The following NPY2R variants were observed in gnomAD, a reference collection of about 807,000 sequenced individuals.
The protein encoded by NPY2R is neuropeptide Y receptor type 2.
Under a neutral mutation model 22.3 loss-of-function variants are expected in NPY2R, and 17 were observed. That is an observed-to-expected ratio of 0.76 (90% CI 0.52 to 1.14). NPY2R has a LOEUF of 1.14. Ranked by LOEUF, NPY2R falls within the 50% of genes most tolerant of loss-of-function variation. NPY2R has a pLI of 0.00. For missense variants in NPY2R, 424 were observed against 467.9 expected, an observed-to-expected ratio of 0.91 and a Z score of 0.87; for synonymous variants, 209 against 183.4, an observed-to-expected ratio of 1.14 and a Z score of -1.13.
chr4:155,199,793 T>C, the NPY2R span, among the ~76,000 whole-genome samples: 2 of 152,140 alleles, frequency 1.3e-5, no homozygotes, highest in Non-Finnish European at 2.9e-5. Context: ...CCAGGAAAAC[T>C]GGCTAGCCAT....
At chr4:155,193,390 A>G in the NPY2R span, among the ~76,000 whole-genome samples, 125 of 152,050 alleles carry the variant, frequency 8.2e-4, 2 homozygotes, top group East Asian at 0.022. Flanking sequence ...TCACGAGGCC[A>G]CAGCTATCTC....
chr4:155,189,320 T>C, the NPY2R span, among the ~76,000 whole-genome samples: 6 of 152,062 alleles, frequency 3.9e-5, no homozygotes, highest in African/African-American at 1.2e-4. Flanking sequence ...CATCCTGCAC[T>C]ATATGGAGCC....
chr4:155,192,522 T>A, the NPY2R span, among the ~76,000 whole-genome samples: 1 of 151,802 alleles, frequency 6.6e-6, no homozygotes, highest in African/African-American at 2.4e-5. Context: ...CAAAAAAGAG[T>A]CCATTTCAGT....
chr4:155,194,419 G>A, the NPY2R span, among the ~76,000 whole-genome samples: 60 of 151,846 alleles, frequency 4.0e-4, 1 homozygote, highest in South Asian at 0.012. Context: ...CCTCAAGTAG[G>A]CCTCAGTGTT....
At chr4:155,199,938 G>A in the NPY2R span, among the ~76,000 whole-genome samples, 2 of 152,048 alleles carry the variant, frequency 1.3e-5, no homozygotes, top group Non-Finnish European at 2.9e-5. Context: ...TACCGTTAAT[G>A]ACATAGGCAT....
At chr4:155,194,610 G>T in the NPY2R span, among the ~76,000 whole-genome samples, 1 of 151,930 alleles carries the variant, frequency 6.6e-6, no homozygotes, top group Non-Finnish European at 1.5e-5. Context: ...GTATTCCATG[G>T]TGCATATGTA....
At chr4:155,203,484 A>G in the NPY2R span, among the ~76,000 whole-genome samples, 1 of 152,188 alleles carries the variant, frequency 6.6e-6, no homozygotes, top group Non-Finnish European at 1.5e-5. Flanking sequence ...TTTTAAAAAG[A>G]CTATTTTAAA....
At chr4:155,196,227 C>A in the NPY2R span, among the ~76,000 whole-genome samples, 1 of 151,972 alleles carries the variant, frequency 6.6e-6, no homozygotes, top group Non-Finnish European at 1.5e-5. Context: ...TCTGCTTCTT[C>A]TTTTTTTCCC....
At chr4:155,186,936 A>G in the NPY2R span, among the ~76,000 whole-genome samples, 1 of 147,726 alleles carries the variant, frequency 6.8e-6, no homozygotes, top group African/African-American at 2.5e-5. Context: ...AAAGTCTAAC[A>G]CATATAAGTA....
Position 155,216,414 on chromosome 4 carries a change from TAAC to T in NPY2R, c.*1333_*1335del, listed in dbSNP as rs1160227042. The T allele has an allele frequency of 6.0e-6, 1 of 166,812 alleles. No individual in the cohort carries two copies. Among genetic ancestry groups the T allele is most frequent in the Non-Finnish European group, 1.5e-5 (1 of 68,038 alleles). The allele number at this position is 166,812 out of a possible 1,614,324, so 10.3% of individuals were successfully genotyped here. The stretch of plus-strand genomic sequence containing the variant: ...AAAAACCTTCTATGTTCATAAAAAA[TAAC>T]AACTGAGATGTTAAAATAGTCATAC... On this transcript the variant is annotated 3_prime_UTR_variant, in exon 2 of 2. Coordinates refer to ENST00000329476, the MANE Select transcript of NPY2R (RefSeq NM_000910.4).
chr4:155,175,548 T>G, the NPY2R span, among the ~76,000 whole-genome samples: 1 of 152,178 alleles, frequency 6.6e-6, no homozygotes, highest in African/African-American at 2.4e-5. Context: ...ATTTTATGTG[T>G]AATTAGCAGA....
chr4:155,210,395 C>A (rs1729379384), intron 1 of NPY2R, among the ~76,000 whole-genome samples: 1 of 152,090 alleles, frequency 6.6e-6, no homozygotes, highest in Admixed American at 6.5e-5. Flanking sequence ...CAAAGCAAAT[C>A]AAAAAATCAA....
chr4:155,174,485 T>TATATATATATATATA, the NPY2R span, among the ~76,000 whole-genome samples: 132 of 41,634 alleles, frequency 3.2e-3, no homozygotes, highest in African/African-American at 0.012. Context: ...TATATATATA[T>TATATATATATATATA]TTTTTTTTTT....
rs774269071 is a variant in NPY2R, at chr4:155,215,050, C to A, written c.1111C>A (p.Pro371Thr). 3.0e-5 allele frequency: 49 copies of A among 1,613,316 alleles called. No individual in the cohort carries two copies. In the East Asian group the frequency reaches 1.1e-3, roughly 36 times the overall value. ...KNLEVRKNSG[P>T]NDSFTEATNV ...CCTGGAGGTCAGAAAGAACAGTGGC[C>A]CCAATGACTCTTTCACAGAGGCTAC... Residue 371 changes from proline (P) to threonine (T), a missense_variant, in exon 2 of 2, where the codon CCC (proline) becomes ACC (threonine). By Grantham distance (38) the Pro-to-Thr change is conservative. Coordinates refer to ENST00000329476, the MANE Select transcript of NPY2R (RefSeq NM_000910.4).
At position 155,214,014 on chromosome 4, in the gene NPY2R, A is replaced by G; in HGVS notation, c.75A>G (p.Gln25=). Residue 25 remains glutamine, a synonymous_variant, in exon 2 of 2, where the codon CAA becomes CAG. Coordinates refer to ENST00000329476, the MANE Select transcript of NPY2R (RefSeq NM_000910.4). ...TGAAGGTGGAACAATACGGGCCACA[A>G]ACAACTCCTAGAGGTGAACTGGTCC... ...EEMKVEQYGP[Q]TTPRGELVPD... 4 of 1,614,108 alleles carry G rather than the reference A, an allele frequency of 2.5e-6. No homozygotes were observed. Among genetic ancestry groups the G allele is most frequent in the South Asian group, 1.1e-5 (1 of 91,074 alleles).
chr4:155,214,319 C>T lies in NPY2R; in HGVS notation c.380C>T (p.Pro127Leu). 1 of 1,614,136 alleles carries T rather than the reference C, an allele frequency of 6.2e-7. No individual in the cohort carries two copies. The highest frequency in any genetic ancestry group is 1.1e-5 in the South Asian group (1 of 91,070). Residue 127 changes from proline to leucine, a missense_variant, in exon 2 of 2, where the codon CCC (proline) becomes CTC (leucine). Transcript: ENST00000329476. ...KMGPVLCHLV[P>L]YAQGLAVQVS... The stretch of plus-strand genomic sequence containing the variant: ...GGTCCTGTCCTGTGCCACCTGGTGC[C>T]CTATGCCCAGGGCCTGGCAGTACAA...
rs1729521325 is a variant in NPY2R at position 155,216,560 on chromosome 4, A to G, written c.*1475A>G. On this transcript the variant is annotated 3_prime_UTR_variant, in exon 2 of 2. Transcript: ENST00000329476. ...CATATGATATATAGTTACAACATTA[A>G]TTTTATGAACTGGAGAGCTTTACTT... 1 of 166,682 alleles carries G rather than the reference A, an allele frequency of 6.0e-6. No individual in the cohort carries two copies. 10.3% of individuals were successfully genotyped at this position (166,682 alleles called of 1,614,324 possible). A position where few individuals can be genotyped will look rare whatever the true frequency, so the allele number is the denominator to read the frequency against.
chr4:155,200,136 A>T, the NPY2R span, among the ~76,000 whole-genome samples: 1 of 152,214 alleles, frequency 6.6e-6, no homozygotes, highest in Non-Finnish European at 1.5e-5. Context: ...TCTACGAAGA[A>T]CTTAACCAAA....
chr4:155,214,790 T>C lies in NPY2R; in HGVS notation c.851T>C (p.Leu284Pro). 1 of 1,613,414 alleles carries C rather than the reference T, an allele frequency of 6.2e-7. No homozygotes were observed. The highest frequency in any genetic ancestry group is 1.1e-5 in the South Asian group (1 of 91,052). The change falls in exon 2 of 2, where the codon CTC becomes CCC. Residue 284 changes from leucine (L) to proline (P), a missense_variant. Transcript: ENST00000329476. ...VVVFAVSWLP[L>P]HAFQLAVDID... Reference sequence around the variant, plus strand: ...GTGTTTGCGGTCAGCTGGCTGCCTCTCCATGCCTTCCAGCTTGCCGTTGAC... The same window carrying C: ...GTGTTTGCGGTCAGCTGGCTGCCTCCCCATGCCTTCCAGCTTGCCGTTGAC...
Sources: gnomAD v4.1 joint callset for allele counts (sites outside exome capture counted in the v4.1 genomes callset) on GRCh38, gnomAD v4.1.1 for gene constraint, MANE v1.5 for transcripts, NCBI Gene and HGNC (gene_info 2026-07-23, HGNC 2026-07-21) for gene names.